Variants in MIB1 observed in about 807,000 individuals in gnomAD.
MIB1 encodes MIB E3 ubiquitin protein ligase 1.
MIB1 carries 278 observed loss-of-function variants against 124.5 expected under a neutral mutation model. The ratio of observed to expected loss-of-function variants is 2.23; its 90% CI spans 2.02 to 2.47. MIB1 has a LOEUF of 2.47. MIB1 is among the 30% of genes most tolerant of loss of function. The pLI is 0.00. For missense variants in MIB1, 957 were observed against 1,254.4 expected, an observed-to-expected ratio of 0.76 and a Z score of 3.58; for synonymous variants, 446 against 429.4, an observed-to-expected ratio of 1.04 and a Z score of -0.48.
intron 6 of MIB1, among the ~76,000 whole-genome samples, chr18:21,783,298 A>C (rs1427616935): frequency 3.3e-5 from 5 of 150,650 alleles, no homozygotes; most frequent in Admixed American, 1.3e-4. Flanking sequence ...GCTGGAGTGC[A>C]GTGGGACGAT....
At position 21,791,529 on chromosome 18, in the gene MIB1, A is replaced by G; in HGVS notation, c.1064A>G (p.His355Arg). The change falls in exon 7 of 21, where the codon CAT (histidine) becomes CGT (arginine). Residue 355 changes from histidine to arginine, a missense_variant. Coordinates refer to ENST00000261537, the MANE Select transcript of MIB1 (RefSeq NM_020774.4). Reference sequence around the variant, plus strand: ...CGAATTAAACTTCTACAAAGAGGACATGGAGAATGGGCTGAAGCGATGCTT... The same window carrying G: ...CGAATTAAACTTCTACAAAGAGGACGTGGAGAATGGGCTGAAGCGATGCTT... ...LERIKLLQRG[H>R]GEWAEAMLPT... 6.2e-7 allele frequency: 1 copy of G among 1,613,898 alleles called. No individual in the cohort carries two copies. Among genetic ancestry groups the G allele is most frequent in the Non-Finnish European group, 8.5e-7 (1 of 1,179,836 alleles).
At chr18:21,719,669 G>A (rs2040705743) in intron 1 of MIB1, among the ~76,000 whole-genome samples, 1 of 149,898 alleles carries the variant, frequency 6.7e-6, no homozygotes, top group Non-Finnish European at 1.5e-5. Flanking sequence ...ACATTGGCCA[G>A]GCTGGTCTGG....
chr18:21,847,526 T>TG (rs2042145685), intron 16 of MIB1, among the ~76,000 whole-genome samples: 1 of 152,218 alleles, frequency 6.6e-6, no homozygotes, highest in Non-Finnish European at 1.5e-5. Flanking sequence ...AAATACGTCT[T>TG]GCTGTGTTGC....
At chr18:21,844,396 C>A (rs1300523058) in intron 15 of MIB1, 143 bp downstream of exon 15, 1 of 805,720 alleles carries the variant, frequency 1.2e-6, no homozygotes, top group Non-Finnish European at 1.9e-6. Flanking sequence ...GAACTTAGTA[C>A]TAGTCAGTAC....
At position 21,744,097 on chromosome 18, in the gene MIB1, GTTTTTTTTTTTTTT is replaced by G. The variant is rs768951212; in HGVS notation, c.229+2294_229+2307del. On this transcript the variant is annotated intron_variant, in intron 1 of 20. Transcript: ENST00000261537. ...ATTTCAACCTTTTAAATTCTTCAGGGTTTTTTTTTTTTTTTTTTTTTTAGAACTGAGCAAAATTG... is the reference window on the plus strand; with the variant it reads ...ATTTCAACCTTTTAAATTCTTCAGGGTTTTTTTTAGAACTGAGCAAAATTG... 4.1e-5 allele frequency among the ~76,000 whole-genome samples: 5 copies of G among 121,244 alleles called. No homozygotes were observed. The Admixed American group carries it at 4.1e-4, about 10-fold the overall frequency. The allele number at this position is 121,244 out of a possible 152,430, so 79.5% of individuals were successfully genotyped here.
At chr18:21,759,423 A>C (rs891705165) in intron 1 of MIB1, among the ~76,000 whole-genome samples, 11 of 151,492 alleles carry the variant, frequency 7.3e-5, no homozygotes, top group Non-Finnish European at 1.2e-4. Context: ...TTGTATTTTT[A>C]ATAGAGACGG....
intron 1 of MIB1, among the ~76,000 whole-genome samples, chr18:21,732,350 AT>A (rs2040775109): frequency 2.2e-5 from 2 of 89,014 alleles, no homozygotes; most frequent in African/African-American, 1.1e-4. Flanking sequence ...TATTATATGT[AT>A]ACACACACAC....
intron 10 of MIB1, among the ~76,000 whole-genome samples, chr18:21,813,688 G>C (rs2041799392): frequency 6.6e-6 from 1 of 152,200 alleles, no homozygotes; most frequent in Non-Finnish European, 1.5e-5. Context: ...TAACTGTTTT[G>C]AATGAACTAT....
chr18:21,722,629 A>G (rs142749699), intron 1 of MIB1, among the ~76,000 whole-genome samples: 1,913 of 152,060 alleles, frequency 0.013, 49 homozygotes, highest in African/African-American at 0.043. Context: ...TCAGCCTCTC[A>G]AAGTGCTGGA....
At chr18:21,707,307 C>T (rs2040643102) in intron 1 of MIB1, among the ~76,000 whole-genome samples, 1 of 152,146 alleles carries the variant, frequency 6.6e-6, no homozygotes, top group Non-Finnish European at 1.5e-5. Context: ...CCAATCACCA[C>T]CCTGTCAAAA....
chr18:21,731,590 G>A lies in MIB1; in HGVS notation n.167+26467G>A, dbSNP rs551974254. ...CTACTATAAATACAAAACATTAGCC[G>A]GCGTGGTGGCGGGCACCTGTAGTCC... On this transcript the variant is annotated intron_variant and non_coding_transcript_variant, in intron 1 of 20. Transcript: ENST00000578646. 3.1e-3 allele frequency among the ~76,000 whole-genome samples: 478 copies of A among 152,010 alleles called. 2 individuals carry two copies. The highest frequency in any genetic ancestry group is 4.8e-3 in the Non-Finnish European group (326 of 67,970).
chr18:21,735,322 C>T (rs1414861066), intron 1 of MIB1, among the ~76,000 whole-genome samples: 2 of 152,168 alleles, frequency 1.3e-5, no homozygotes, highest in East Asian at 1.9e-4. Context: ...CTGGGAGGAA[C>T]GGGGTACTCC....
intron 12 of MIB1, among the ~76,000 whole-genome samples, chr18:21,829,626 A>G (rs986018652): frequency 6.6e-5 from 10 of 152,002 alleles, no homozygotes; most frequent in African/African-American, 2.4e-4. Flanking sequence ...AAAGATTATG[A>G]ATTTTTGTTA....
At position 21,741,696 on chromosome 18, in the gene MIB1, CCG is replaced by C. The variant is rs2040854196; in HGVS notation, c.114_115del (p.Val39ProfsTer42). The C allele has an allele frequency of 1.9e-6, 3 of 1,611,362 alleles. No individual in the cohort carries two copies. On this transcript the variant is annotated frameshift_variant, in exon 1 of 21. Transcript: ENST00000261537. LOFTEE classifies it high-confidence loss of function. The surrounding 1 kb of genome is among the most constrained non-coding windows in gnomAD (Gnocchi z 5.4). Reference sequence around the variant, plus strand: ...GACGGCGGCGAGGGCCATGTGGGCACCGTCCGGAGCTTCGAGAGCCCCGAGGA... The same window carrying C: ...GACGGCGGCGAGGGCCATGTGGGCACTCCGGAGCTTCGAGAGCCCCGAGGA...
At chr18:21,715,155 G>T (rs1448649741) in intron 1 of MIB1, among the ~76,000 whole-genome samples, 2 of 152,192 alleles carry the variant, frequency 1.3e-5, no homozygotes, top group Non-Finnish European at 2.9e-5. Flanking sequence ...GGTATCCACA[G>T]CTGAGAGACC....
At chr18:21,817,810 A>G in intron 11 of MIB1, 1 of 283,876 alleles carries the variant, frequency 3.5e-6, no homozygotes. Context: ...TGGGGAGACA[A>G]ACCATGCAGG....
intron 11 of MIB1, among the ~76,000 whole-genome samples, chr18:21,816,206 A>G (rs2041828721): frequency 6.6e-6 from 1 of 152,166 alleles, no homozygotes; most frequent in Non-Finnish European, 1.5e-5. Flanking sequence ...GGGACTTTGA[A>G]TAGTCGTTAG....
intron 1 of MIB1, among the ~76,000 whole-genome samples, chr18:21,726,903 A>T (rs1394444627): frequency 6.6e-6 from 1 of 152,178 alleles, no homozygotes; most frequent in Non-Finnish European, 1.5e-5. Flanking sequence ...GAATCCTTCT[A>T]GGTGGTTATT....
rs2041397494 is a variant in MIB1 at position 21,783,628 on chromosome 18, G to A, written c.908+3943G>A. Among the ~76,000 whole-genome samples the A allele has an allele frequency of 1.3e-5, 2 of 151,030 alleles. 1 individual carries two copies. The highest frequency in any genetic ancestry group is 4.2e-4 in the South Asian group (2 of 4,732). On this transcript the variant is annotated intron_variant, in intron 6 of 20. Transcript: ENST00000261537. Reference sequence around the variant, plus strand: ...GTAAAGATTTACTACTGCTATTTTTGTTACTTGTTATTTGGTTGTTTTGTA... The same window carrying A: ...GTAAAGATTTACTACTGCTATTTTTATTACTTGTTATTTGGTTGTTTTGTA...
Sources: gnomAD v4.1 joint callset for allele counts (sites outside exome capture counted in the v4.1 genomes callset) on GRCh38, gnomAD v4.1.1 for gene constraint, Gnocchi (gnomAD v3.1) non-coding constraint, MANE v1.5 for transcripts, NCBI Gene and HGNC (gene_info 2026-07-23, HGNC 2026-07-21) for gene names.